Variants in MAST4 observed in about 807,000 individuals in gnomAD.
The protein encoded by MAST4 is microtubule associated serine/threonine kinase family member 4.
MAST4 carries 89 observed loss-of-function variants against 162.7 expected under a neutral mutation model. The ratio of observed to expected loss-of-function variants is 0.55; its 90% confidence interval spans 0.46 to 0.65. The LOEUF (loss-of-function observed/expected upper bound fraction) is 0.65, where lower values mean the gene tolerates loss of function less well. Among genes scored for constraint, MAST4 ranks in the 30% least tolerant of loss-of-function variants. The pLI, the probability that MAST4 is intolerant of heterozygous loss-of-function variation, is 0.00. For missense variants in MAST4, 3,153 were observed against 3,374.0 expected, an observed-to-expected ratio of 0.93 and a Z score of 1.62; for synonymous variants, 1,479 against 1,361.1, an observed-to-expected ratio of 1.09 and a Z score of -1.91.
At chr5:67,114,257 A>C (rs1203615577) in intron 12 of MAST4, 38 bp downstream of exon 12, 2 of 1,588,706 alleles carry the variant, frequency 1.3e-6, no homozygotes, top group Non-Finnish European at 1.7e-6. Context: ...GACTTTGCTT[A>C]TGCACTGTCG....
intron 1 of MAST4, among the ~76,000 whole-genome samples, chr5:66,666,709 C>G (rs1414316667): frequency 1.3e-5 from 2 of 152,180 alleles, no homozygotes; most frequent in Non-Finnish European, 2.9e-5. Context: ...GATACTGAAG[C>G]CCCTATAATT....
intron 4 of MAST4, among the ~76,000 whole-genome samples, chr5:66,922,599 CA>C (rs900630009): frequency 2.0e-5 from 3 of 151,404 alleles, no homozygotes; most frequent in South Asian, 2.1e-4. Flanking sequence ...TAACTACTTG[CA>C]AAAAAAATAC....
chr5:66,668,625 T>C (rs1334660818), intron 1 of MAST4, among the ~76,000 whole-genome samples: 1 of 152,130 alleles, frequency 6.6e-6, no homozygotes, highest in Non-Finnish European at 1.5e-5. Context: ...CCCCACAAGG[T>C]GATTGTGAGG....
At chr5:66,820,071 C>G (rs1756921662) in intron 3 of MAST4, among the ~76,000 whole-genome samples, 1 of 151,510 alleles carries the variant, frequency 6.6e-6, no homozygotes, top group Admixed American at 6.6e-5. Context: ...CCACCTGCCT[C>G]AGCCCCTCAA....
intron 1 of MAST4, among the ~76,000 whole-genome samples, chr5:66,624,418 G>A (rs1440972052): frequency 6.6e-6 from 1 of 152,058 alleles, no homozygotes; most frequent in Non-Finnish European, 1.5e-5. Context: ...CTCCCAAAGT[G>A]CTGGGATTAT....
At chr5:66,875,199 T>C (rs570725384) in intron 3 of MAST4, among the ~76,000 whole-genome samples, 1 of 152,310 alleles carries the variant, frequency 6.6e-6, no homozygotes, top group Non-Finnish European at 1.5e-5. Context: ...TTACTATATT[T>C]AAGGACATAG....
rs1769278703 is a variant in MAST4, at chr5:67,133,791, A to T, written c.2226+145A>T. 4.5e-6 allele frequency: 4 copies of T among 882,720 alleles called. No homozygotes were observed. In the African/African-American group the frequency reaches 5.1e-5, roughly 11 times the overall value. The allele number at this position is 882,720 out of a possible 1,614,324, so 54.7% of individuals were successfully genotyped here. A position where few individuals can be genotyped will look rare whatever the true frequency, so the allele number is the denominator to read the frequency against. On this transcript the variant is annotated intron_variant, in intron 17 of 28. Transcript: ENST00000403625. Reference sequence around the variant, plus strand: ...AAACCTTACATTTAATAAAGTGCAAATTGCTCCCATTTTTCTCCCTGGGCC... The same window carrying T: ...AAACCTTACATTTAATAAAGTGCAATTTGCTCCCATTTTTCTCCCTGGGCC...
At chr5:66,902,080 C>A (rs565587619) in intron 4 of MAST4, among the ~76,000 whole-genome samples, 1 of 152,282 alleles carries the variant, frequency 6.6e-6, no homozygotes, top group African/African-American at 2.4e-5. Flanking sequence ...ATACATGCCT[C>A]CTCCATAAAT....
chr5:67,115,662 T>TA (rs1255918051), intron 12 of MAST4, among the ~76,000 whole-genome samples: 1 of 152,216 alleles, frequency 6.6e-6, no homozygotes, highest in Non-Finnish European at 1.5e-5. Flanking sequence ...AGAAATGGTT[T>TA]AAATCAGTGA....
chr5:66,754,856 G>C (rs1753429446), intron 1 of MAST4, among the ~76,000 whole-genome samples: 1 of 152,182 alleles, frequency 6.6e-6, no homozygotes, highest in Admixed American at 6.5e-5. Flanking sequence ...AGTGACATTT[G>C]AATAGAGACC....
chr5:66,935,101 A>G (rs1256634805), intron 4 of MAST4, among the ~76,000 whole-genome samples: 1 of 152,180 alleles, frequency 6.6e-6, no homozygotes, highest in Non-Finnish European at 1.5e-5. Flanking sequence ...GAGTGTATCA[A>G]AAATGCTTTT....
intron 3 of MAST4, among the ~76,000 whole-genome samples, chr5:66,812,527 G>T (rs867420488): frequency 1.3e-5 from 2 of 152,172 alleles, no homozygotes; most frequent in African/African-American, 2.4e-5. Context: ...TCTTGGCTCC[G>T]ATAGAACCTG....
chr5:67,083,601 A>G (rs1762906314), intron 5 of MAST4, among the ~76,000 whole-genome samples: 1 of 152,188 alleles, frequency 6.6e-6, no homozygotes, highest in East Asian at 1.9e-4. Flanking sequence ...TTAAGGAATT[A>G]AATCCCTTCA....
intron 5 of MAST4, among the ~76,000 whole-genome samples, chr5:67,068,134 A>G (rs1453615693): frequency 6.6e-6 from 1 of 152,200 alleles, no homozygotes; most frequent in African/African-American, 2.4e-5. Context: ...GACCTGGGAC[A>G]TCTCCAGAGT....
chr5:66,873,437 G>T (rs2149880197), intron 3 of MAST4, among the ~76,000 whole-genome samples: 1 of 152,278 alleles, frequency 6.6e-6, no homozygotes, highest in Middle Eastern at 3.4e-3. Context: ...CAAATTACAG[G>T]TTCCTATATT....
chr5:66,834,349 G>A (rs574913400), intron 3 of MAST4, among the ~76,000 whole-genome samples: 64 of 152,236 alleles, frequency 4.2e-4, no homozygotes, highest in African/African-American at 1.5e-3. Flanking sequence ...GTGACCTTAG[G>A]TAAAAGGACA....
chr5:66,658,634 G>C (rs1249341697), intron 1 of MAST4, among the ~76,000 whole-genome samples: 1 of 152,190 alleles, frequency 6.6e-6, no homozygotes, highest in African/African-American at 2.4e-5. Context: ...CCTAGTCTTT[G>C]AGTTCAAACA....
chr5:66,687,112 G>A (rs753462148), intron 1 of MAST4, among the ~76,000 whole-genome samples: 53 of 152,034 alleles, frequency 3.5e-4, no homozygotes, highest in Non-Finnish European at 5.9e-4. Flanking sequence ...CAGTGGGTAT[G>A]TGCAGAGGTT....
At chr5:66,668,512 G>A (rs1747409679) in intron 1 of MAST4, among the ~76,000 whole-genome samples, 1 of 152,122 alleles carries the variant, frequency 6.6e-6, no homozygotes, top group African/African-American at 2.4e-5. Flanking sequence ...CTGAATCGGG[G>A]GTATGTTAGT....
Sources: allele counts gnomAD v4.1 joint callset (sites outside exome capture counted in the v4.1 genomes callset), GRCh38; gene constraint gnomAD v4.1.1; transcripts MANE v1.5; gene names NCBI Gene and HGNC (gene_info 2026-07-23, HGNC 2026-07-21).